Variants in CFAP61 observed in about 807,000 individuals in gnomAD.
CFAP61 encodes cilia- and flagella-associated protein 61.
A neutral mutation model predicts 135.6 loss-of-function variants in CFAP61; 107 were observed. That is an observed-to-expected ratio of 0.79 (90% CI 0.67 to 0.93). The LOEUF (loss-of-function observed/expected upper bound fraction) is 0.93. CFAP61 is among the 40% of genes least tolerant of loss of function. The pLI is 0.00. For synonymous variants in CFAP61, 575 were observed against 578.5 expected (o/e 0.99, Z 0.09); for missense variants, 1,507 against 1,556.2 (o/e 0.97, Z 0.53).
At chr20:20,067,099 A>C (rs2045329750) in intron 2 of CFAP61, among the ~76,000 whole-genome samples, 1 of 152,168 alleles carries the variant, frequency 6.6e-6, no homozygotes, top group Non-Finnish European at 1.5e-5. Flanking sequence ...CTCTTAAAAA[A>C]AAAAAAGAAA....
At chr20:20,133,827 T>C (rs2050721070) in intron 8 of CFAP61, among the ~76,000 whole-genome samples, 1 of 152,184 alleles carries the variant, frequency 6.6e-6, no homozygotes, top group South Asian at 2.1e-4. Context: ...CTCAAGTTTA[T>C]TGTACTGGTT....
intron 6 of CFAP61, among the ~76,000 whole-genome samples, chr20:20,089,546 AT>A (rs1479804921): frequency 6.6e-6 from 1 of 151,952 alleles, no homozygotes; most frequent in Non-Finnish European, 1.5e-5. Context: ...CTAGAAAAAA[AT>A]AACACAATGC....
chr20:20,287,677 G>T (rs529818758), intron 22 of CFAP61, among the ~76,000 whole-genome samples: 1 of 152,278 alleles, frequency 6.6e-6, no homozygotes, highest in African/African-American at 2.4e-5. Context: ...GTGGGGAGAT[G>T]ACCATCAGTA....
At chr20:20,317,320 TC>T (rs886208835) in intron 25 of CFAP61, among the ~76,000 whole-genome samples, 2 of 152,056 alleles carry the variant, frequency 1.3e-5, no homozygotes, top group African/African-American at 4.8e-5. Context: ...GAGGGACTGT[TC>T]CACAGTCCCT....
At chr20:20,177,787 A>G (rs1260869428) in intron 13 of CFAP61, among the ~76,000 whole-genome samples, 1 of 122,762 alleles carries the variant, frequency 8.1e-6, no homozygotes, top group Non-Finnish European at 1.7e-5. Flanking sequence ...GAGAGGGGAT[A>G]GGAACTGCTG....
chr20:20,112,692 GTTTC>G (rs2146673123), intron 8 of CFAP61, among the ~76,000 whole-genome samples: 1 of 152,184 alleles, frequency 6.6e-6, no homozygotes, highest in South Asian at 2.1e-4. Flanking sequence ...TAAGTTTAAT[GTTTC>G]TTTCTGTGGC....
intron 1 of CFAP61, 77 bp downstream of exon 1, chr20:20,052,668 C>T (rs751504038): frequency 5.0e-6 from 8 of 1,613,326 alleles, no homozygotes; most frequent in East Asian, 2.2e-5. Context: ...CCAGGTCAGC[C>T]TCCGGAACTG....
At chr20:20,322,686 T>C in intron 25 of CFAP61, 1 of 985,388 alleles carries the variant, frequency 1.0e-6, no homozygotes, top group Non-Finnish European at 1.2e-6. Flanking sequence ...TACCAAGAAA[T>C]GGGAACTACC....
intron 13 of CFAP61, among the ~76,000 whole-genome samples, chr20:20,173,012 A>G (rs2054340723): frequency 6.6e-6 from 1 of 152,176 alleles, no homozygotes; most frequent in Non-Finnish European, 1.5e-5. Context: ...CATTTACAGA[A>G]TGTCACAAAG....
At chr20:20,175,490 TTTTG>T in intron 13 of CFAP61, among the ~76,000 whole-genome samples, 1 of 1,666 alleles carries the variant, frequency 6.0e-4, no homozygotes, top group Admixed American at 4.3e-3. Context: ...TTTTTTTTGT[TTTTG>T]TTTTGTTTTG....
At chr20:20,319,746 A>G (rs975005320) in intron 25 of CFAP61, among the ~76,000 whole-genome samples, 2 of 152,238 alleles carry the variant, frequency 1.3e-5, no homozygotes, top group Non-Finnish European at 2.9e-5. Flanking sequence ...CCATCCATCA[A>G]GTAAGAACCA....
chr20:20,056,564 T>C, intron 1 of CFAP61, 54 bp from the exon 2 acceptor site: 1 of 1,168,060 alleles, frequency 8.6e-7, no homozygotes, highest in African/African-American at 1.5e-5. Flanking sequence ...ATTGAATTAG[T>C]GTTCAGTTTT....
chr20:20,289,396 C>G (rs779152171), intron 23 of CFAP61, among the ~76,000 whole-genome samples: 1 of 152,184 alleles, frequency 6.6e-6, no homozygotes, highest in Non-Finnish European at 1.5e-5. Flanking sequence ...GCACTTTTAT[C>G]CCATAAACCC....
chr20:20,070,665 G>T (rs546213927), intron 2 of CFAP61, among the ~76,000 whole-genome samples, 189 bp from the exon 3 acceptor site: 1 of 152,264 alleles, frequency 6.6e-6, no homozygotes, highest in East Asian at 1.9e-4. Context: ...TACAAGTTTA[G>T]TTGACAGCAC....
intron 8 of CFAP61, among the ~76,000 whole-genome samples, chr20:20,099,663 G>T (rs138061919): frequency 6.6e-6 from 1 of 152,112 alleles, no homozygotes; most frequent in African/African-American, 2.4e-5. Flanking sequence ...GATCATCACC[G>T]TTAGCAATTA....
intron 20 of CFAP61, among the ~76,000 whole-genome samples, chr20:20,257,384 G>A (rs952267127): frequency 6.6e-6 from 1 of 152,172 alleles, no homozygotes; most frequent in East Asian, 1.9e-4. Flanking sequence ...GGAGGCCAAG[G>A]CAGGTGGATC....
intron 20 of CFAP61, 52 bp from the exon 21 acceptor site, chr20:20,262,904 T>A: frequency 8.1e-7 from 1 of 1,234,198 alleles, no homozygotes; most frequent in Non-Finnish European, 1.1e-6. Flanking sequence ...TTAACCACTG[T>A]CACCACTTTA....
chr20:20,161,061 T>C (rs1476522374), intron 10 of CFAP61, among the ~76,000 whole-genome samples: 2 of 152,218 alleles, frequency 1.3e-5, no homozygotes, highest in Non-Finnish European at 2.9e-5. Flanking sequence ...GCTCCCCAAG[T>C]AAACTACTGA....
intron 25 of CFAP61, among the ~76,000 whole-genome samples, chr20:20,338,303 T>G (rs2058315821): frequency 6.6e-6 from 1 of 152,202 alleles, no homozygotes; most frequent in Admixed American, 6.5e-5. Context: ...CAGGCCTCCC[T>G]GGCGGCAGCT....
Sources: allele counts gnomAD v4.1 joint callset (sites outside exome capture counted in the v4.1 genomes callset), GRCh38; gene constraint gnomAD v4.1.1; transcripts MANE v1.5; gene names NCBI Gene and HGNC (gene_info 2026-07-23, HGNC 2026-07-21).